Variants in CLNK observed in about 807,000 individuals in gnomAD.
CLNK encodes the protein cytokine dependent hematopoietic cell linker.
Under a neutral mutation model 68.6 loss-of-function variants are expected in CLNK, and 74 were observed. The observed-to-expected ratio is 1.08, with a 90% confidence interval of 0.89 to 1.31. CLNK has a LOEUF of 1.31. CLNK is among the 50% of genes most tolerant of loss of function. The pLI is 0.00. For missense variants in CLNK, 553 were observed against 515.3 expected (o/e 1.07, Z -0.71); for synonymous variants, 198 against 172.2 (o/e 1.15, Z -1.17).
At chr4:10,645,537 C>T (rs1159080222) in intron 2 of CLNK, among the ~76,000 whole-genome samples, 3 of 152,036 alleles carry the variant, frequency 2.0e-5, no homozygotes, top group East Asian at 1.9e-4. Context: ...ACTTAACTGC[C>T]TAATCATTTA....
chr4:10,621,478 A>G lies in CLNK; in HGVS notation c.12-23429T>C, dbSNP rs116297681. Among the ~76,000 whole-genome samples the G allele has an allele frequency of 1.7e-3, 261 of 152,300 alleles. 1 individual carries two copies. The highest frequency in any genetic ancestry group is 5.9e-3 in the African/African-American group (247 of 41,572). Reference sequence around the variant, plus strand: ...TTTGGGGTCCAGTGGGTGTCCTTTGAGTCAAGAGCATGATCTTCAATAGAC... The same window carrying G: ...TTTGGGGTCCAGTGGGTGTCCTTTGGGTCAAGAGCATGATCTTCAATAGAC... On this transcript the variant is annotated intron_variant, in intron 2 of 18. Coordinates refer to ENST00000226951, the MANE Select transcript of CLNK (RefSeq NM_052964.4).
chr4:10,713,426 G>A, the CLNK span, among the ~76,000 whole-genome samples: 1 of 152,184 alleles, frequency 6.6e-6, no homozygotes, highest in African/African-American at 2.4e-5. Context: ...GGTGCTAGGA[G>A]GAAGGGGGAA....
rs578007553 is a variant in CLNK at position 10,551,085 on chromosome 4, T to C, written c.445+7322A>G. Among the ~76,000 whole-genome samples, 17 of 152,336 alleles carry C rather than the reference T, an allele frequency of 1.1e-4. No homozygotes were observed. In the South Asian group the frequency reaches 3.3e-3, roughly 30 times the overall value. On this transcript the variant is annotated intron_variant, in intron 8 of 18. Transcript: ENST00000226951. The stretch of plus-strand genomic sequence containing the variant: ...TCAGAAACAGCATGCGAGTTAACAT[T>C]TATGAATTATGTATTTCTGGAATTT...
intron 3 of CLNK, among the ~76,000 whole-genome samples, chr4:10,597,534 A>C (rs560294282): frequency 1.2e-3 from 179 of 152,340 alleles, no homozygotes; most frequent in Non-Finnish European, 1.9e-3. Flanking sequence ...ACCACTCAGC[A>C]AATGTTATTC....
At chr4:10,630,441 G>T (rs1411299355) in intron 2 of CLNK, among the ~76,000 whole-genome samples, 1 of 152,210 alleles carries the variant, frequency 6.6e-6, no homozygotes, top group South Asian at 2.1e-4. Context: ...TGAGCCAGAA[G>T]CTCAGAGTCG....
chr4:10,488,348 G>A lies in CLNK; in HGVS notation c.*2119C>T, dbSNP rs1202432539. 2 of 152,198 alleles carry A rather than the reference G, an allele frequency of 1.3e-5. No homozygotes were observed. Among genetic ancestry groups the A allele is most frequent in the Non-Finnish European group, 2.9e-5 (2 of 68,042 alleles). The allele number at this position is 152,198 out of a possible 1,614,324, so 9.4% of individuals were successfully genotyped here. ...TAGCATTGAATGGCATGGCCTCAAT[G>A]AATCAGTGAGTTGGAGGTATCAGTA... On this transcript the variant is annotated 3_prime_UTR_variant, in exon 19 of 19. Transcript: ENST00000226951.
chr4:10,672,352 T>C (rs952442434), intron 1 of CLNK, among the ~76,000 whole-genome samples: 7 of 152,192 alleles, frequency 4.6e-5, no homozygotes, highest in African/African-American at 1.4e-4. Context: ...CAGTTATGCT[T>C]TGGGACAACT....
chr4:10,537,395 T>C lies in CLNK; in HGVS notation c.602+3099A>G, dbSNP rs59872471. On this transcript the variant is annotated intron_variant, in intron 11 of 18. Transcript: ENST00000226951. The stretch of plus-strand genomic sequence containing the variant: ...CAGGAGGTTGAGTCAGGAGAATCAA[T>C]TGAACCCGGGAGGCAGAGGTTGCAG... 8.4e-3 allele frequency among the ~76,000 whole-genome samples: 1,274 copies of C among 152,226 alleles called. 21 individuals are homozygous for C. Among genetic ancestry groups the C allele is most frequent in the East Asian group, 0.049 (254 of 5,158 alleles).
intron 8 of CLNK, among the ~76,000 whole-genome samples, chr4:10,550,851 G>A (rs1053973638): frequency 6.6e-6 from 1 of 152,140 alleles, no homozygotes; most frequent in Non-Finnish European, 1.5e-5. Flanking sequence ...TGGCAAATCA[G>A]AACTGTCAGC....
intron 2 of CLNK, among the ~76,000 whole-genome samples, chr4:10,623,319 C>T (rs1406719365): frequency 1.3e-5 from 2 of 152,136 alleles, no homozygotes; most frequent in African/African-American, 2.4e-5. Context: ...AGAGAAGCAG[C>T]CGTCTTATAG....
chr4:10,612,064 GC>G (rs1722054936), intron 2 of CLNK, among the ~76,000 whole-genome samples: 2 of 152,340 alleles, frequency 1.3e-5, no homozygotes, highest in African/African-American at 4.8e-5. Context: ...ATGAAAAGGT[GC>G]ATAGGTGAAC....
rs544429516 is a variant in CLNK, at chr4:10,565,525, C to T, written c.292+484G>A. Among the ~76,000 whole-genome samples, 24 of 152,328 alleles carry T rather than the reference C, an allele frequency of 1.6e-4. 1 individual carries two copies. The South Asian group carries it at 4.8e-3, about 30-fold the overall frequency. Reference sequence around the variant, plus strand: ...TAACAATTGCAGCTTTGCTGCCATGCCCTGCTGACGCTCTTAGGCTGGCTG... The same window carrying T: ...TAACAATTGCAGCTTTGCTGCCATGTCCTGCTGACGCTCTTAGGCTGGCTG... On this transcript the variant is annotated intron_variant, in intron 6 of 18. Coordinates refer to ENST00000226951, the MANE Select transcript of CLNK (RefSeq NM_052964.4).
intron 4 of CLNK, among the ~76,000 whole-genome samples, chr4:10,573,310 A>T (rs963732360): frequency 3.3e-5 from 5 of 152,208 alleles, no homozygotes; most frequent in African/African-American, 9.7e-5. Flanking sequence ...ACCAGTACAT[A>T]TGGGAAGTGT....
intron 11 of CLNK, among the ~76,000 whole-genome samples, chr4:10,539,826 G>A (rs923794014): frequency 1.3e-5 from 2 of 152,144 alleles, no homozygotes; most frequent in Admixed American, 6.5e-5. Context: ...GCCAATATTG[G>A]TCCTGGAATA....
intron 11 of CLNK, among the ~76,000 whole-genome samples, chr4:10,535,222 A>AGAAG (rs1718703017): frequency 7.5e-4 from 59 of 78,828 alleles, no homozygotes; most frequent in African/African-American, 3.1e-3. Flanking sequence ...AGAGAAAGAA[A>AGAAG]GAAAGAAAGA....
At chr4:10,606,829 GAGCTCTGACTAATACACATCATAA>G (rs1443395175) in intron 2 of CLNK, among the ~76,000 whole-genome samples, 1 of 151,980 alleles carries the variant, frequency 6.6e-6, no homozygotes, top group East Asian at 1.9e-4. Context: ...TTTTTCTATA[GAGCTCTGACTAATACACATCATAA>G]AGCTGTAGTC....
At chr4:10,675,125 A>C (rs879835973) in intron 1 of CLNK, among the ~76,000 whole-genome samples, 1 of 152,248 alleles carries the variant, frequency 6.6e-6, no homozygotes, top group Admixed American at 6.5e-5. Flanking sequence ...CAGGTTCTGC[A>C]CATGTATCCC....
chr4:10,652,148 A>T (rs1251849220), intron 2 of CLNK, among the ~76,000 whole-genome samples: 2 of 152,070 alleles, frequency 1.3e-5, no homozygotes, highest in Admixed American at 6.6e-5. Flanking sequence ...TGGGAGGCCA[A>T]GGTGGGTGGA....
chr4:10,490,913 C>T (rs767312552), intron 18 of CLNK, among the ~76,000 whole-genome samples: 6 of 138,126 alleles, frequency 4.3e-5, no homozygotes, highest in Non-Finnish European at 6.3e-5. Flanking sequence ...TACAAGCATG[C>T]GCCACCACGC....
Sources: gnomAD v4.1 joint callset for allele counts (sites outside exome capture counted in the v4.1 genomes callset) on GRCh38, gnomAD v4.1.1 for gene constraint, MANE v1.5 for transcripts, NCBI Gene and HGNC (gene_info 2026-07-23, HGNC 2026-07-21) for gene names.